SLC25A4: variants seen among roughly 807,000 people sequenced by gnomAD.
SLC25A4 encodes the protein ADP/ATP translocase 1.
In SLC25A4, 10 loss-of-function variants were observed where a neutral mutation model predicts 24.7. That is an observed-to-expected ratio of 0.41 (90% CI 0.25 to 0.69). The LOEUF is 0.69. SLC25A4 is among the 30% of genes least tolerant of loss of function. The pLI is 0.35. For missense variants in SLC25A4, 273 were observed against 387.6 expected, an observed-to-expected ratio of 0.70 and a Z score of 2.48; for synonymous variants, 125 against 153.3, an observed-to-expected ratio of 0.82 and a Z score of 1.36.
chr4:185,143,866 C>A (rs1222512009), intron 1 of SLC25A4, among the ~76,000 whole-genome samples: 1 of 152,204 alleles, frequency 6.6e-6, no homozygotes, highest in Non-Finnish European at 1.5e-5. Context: ...ACAATAAAAA[C>A]ATCAAAATAA....
In SLC25A4 at chr4:185,149,966, G is replaced by C. The variant is rs553656237; in HGVS notation, c.*2995G>C. The stretch of plus-strand genomic sequence containing the variant: ...AAAACTTGTCTCAAGTATTTGTGTT[G>C]AAATCTCAATTAACTGGGCGACTGC... On this transcript the variant is annotated 3_prime_UTR_variant, in exon 4 of 4. Transcript: ENST00000281456. 6.6e-6 allele frequency: 1 copy of C among 152,352 alleles called. No individual in the cohort carries two copies. Among genetic ancestry groups the C allele is most frequent in the East Asian group, 1.9e-4 (1 of 5,190 alleles). The allele number at this position is 152,352 out of a possible 1,614,324, so 9.4% of individuals were successfully genotyped here. A position where few individuals can be genotyped will look rare whatever the true frequency, so the allele number is the denominator to read the frequency against.
rs916899214 is a variant in SLC25A4, at chr4:185,149,607, A to G, written c.*2636A>G. ...TCCCTCACTAACCTACCCGCACGCCATACCATCATTGTGCAAAGCTGCCTC... is the reference window on the plus strand; with the variant it reads ...TCCCTCACTAACCTACCCGCACGCCGTACCATCATTGTGCAAAGCTGCCTC... On this transcript the variant is annotated 3_prime_UTR_variant, in exon 4 of 4. Coordinates refer to ENST00000281456, the MANE Select transcript of SLC25A4 (RefSeq NM_001151.4). 1 of 152,202 alleles carries G rather than the reference A, an allele frequency of 6.6e-6. No individual in the cohort carries two copies. Among genetic ancestry groups the G allele is most frequent in the Non-Finnish European group, 1.5e-5 (1 of 68,046 alleles). The allele number at this position is 152,202 out of a possible 1,614,324, so 9.4% of individuals were successfully genotyped here.
Position 185,145,173 on chromosome 4 carries a change from AC to A in SLC25A4, c.523del (p.Gln175ArgfsTer38), listed in dbSNP as rs863224209. On this transcript the variant is annotated frameshift_variant, in exon 2 of 4. Coordinates refer to ENST00000281456, the MANE Select transcript of SLC25A4 (RefSeq NM_001151.4). LOFTEE classifies it high-confidence loss of function. The surrounding 1 kb of genome is among the most constrained non-coding windows in gnomAD (Gnocchi z 5.5). ...IFKSDGLRGL[Y>X]QGFNVSVQGI... ...AAGTCTGATGGCCTGAGGGGGCTCT[AC>A]CAGGGTTTCAACGTCTCTGTCCAAG... 8 of 1,613,822 alleles carry A rather than the reference AC, an allele frequency of 5.0e-6. No individual in the cohort carries two copies. Among genetic ancestry groups the A allele is most frequent in the Non-Finnish European group, 6.8e-6 (8 of 1,179,904 alleles).
rs1164676580 is a variant in SLC25A4, at chr4:185,145,835, G to A, written c.675G>A (p.Gly225=). Residue 225 remains glycine (G), a synonymous_variant, in exon 3 of 4, where the codon GGG becomes GGA. Coordinates refer to ENST00000281456, the MANE Select transcript of SLC25A4 (RefSeq NM_001151.4). The surrounding 1 kb of genome is among the most constrained non-coding windows in gnomAD (Gnocchi z 5.5). ...MIAQSVTAVA[G]LVSYPFDTVR... ...CCCAGAGTGTGACGGCAGTCGCAGG[G>A]CTGGTGTCCTACCCCTTTGACACTG... is the stretch of plus-strand genomic sequence containing the variant. 7 of 1,614,088 alleles carry A rather than the reference G, an allele frequency of 4.3e-6. No homozygotes were observed. Among genetic ancestry groups the A allele is most frequent in the Non-Finnish European group, 5.1e-6 (6 of 1,180,036 alleles).
rs1025582917 is a variant in SLC25A4, at chr4:185,145,445, C to G, written c.598+195C>G. On this transcript the variant is annotated intron_variant, in intron 2 of 3. Transcript: ENST00000281456. This position sits in a 1 kb window ranked among gnomAD's most constrained non-coding sequence, Gnocchi z 5.5. ...CTTGTGTCCTCTACTGAAATAAACT[C>G]TGGCCTTTAGTTATTCAGAGAGGAG... 1.2e-6 allele frequency: 1 copy of G among 840,846 alleles called. No individual in the cohort carries two copies. The allele number at this position is 840,846 out of a possible 1,614,324, so 52.1% of individuals were successfully genotyped here.
At chr4:185,144,579 C>T (rs1450645876) in intron 1 of SLC25A4, among the ~76,000 whole-genome samples, 185 bp from the exon 2 acceptor site, 2 of 152,092 alleles carry the variant, frequency 1.3e-5, no homozygotes, top group South Asian at 2.1e-4. Context: ...ATTATTTTGG[C>T]TTGTTATCCA....
Position 185,146,525 on chromosome 4 carries a change from C to A in SLC25A4, c.740-289C>A, listed in dbSNP as rs541595671. On this transcript the variant is annotated intron_variant, in intron 3 of 3. Coordinates refer to ENST00000281456, the MANE Select transcript of SLC25A4 (RefSeq NM_001151.4). ...AAGGTAACCGCGTAGCATAATACTC[C>A]TGCTCCACTGCGCCCTTCTTGTTTC... Among the ~76,000 whole-genome samples, 7 of 152,334 alleles carry A rather than the reference C, an allele frequency of 4.6e-5. No individual in the cohort carries two copies. In the East Asian group the frequency reaches 1.4e-3, roughly 29 times the overall value.
Position 185,146,890 on chromosome 4 carries a change from A to G in SLC25A4, c.816A>G (p.Lys272=). 1 of 1,614,212 alleles carries G rather than the reference A, an allele frequency of 6.2e-7. No homozygotes were observed. Reference sequence around the variant, plus strand: ...ACGAAGGAGCCAAGGCCTTCTTCAAAGGTGCCTGGTCCAATGTGCTGAGAG... The same window carrying G: ...ACGAAGGAGCCAAGGCCTTCTTCAAGGGTGCCTGGTCCAATGTGCTGAGAG... ...AKDEGAKAFF[K]GAWSNVLRGM... Residue 272 remains lysine (K), a synonymous_variant, in exon 4 of 4, where the codon AAA becomes AAG. Transcript: ENST00000281456.
intron 1 of SLC25A4, among the ~76,000 whole-genome samples, chr4:185,143,735 A>C (rs576014296): frequency 3.9e-4 from 59 of 151,624 alleles, no homozygotes; most frequent in Non-Finnish European, 7.1e-4. Flanking sequence ...ATGGAAACCC[A>C]CCCGGAGCCG....
chr4:185,144,820 T>C lies in SLC25A4; in HGVS notation c.168T>C (p.Asp56=), dbSNP rs150481751. The part of the protein sequence containing the change: ...SAEKQYKGII[D]CVVRIPKEQG... ...AGAAGCAGTACAAAGGGATCATTGA[T>C]TGTGTGGTGAGAATCCCTAAGGAGC... The change falls in exon 2 of 4, where the codon GAT becomes GAC. Residue 56 remains aspartate (D), a synonymous_variant. Transcript: ENST00000281456. The C allele has an allele frequency of 1.8e-4, 294 of 1,613,988 alleles. No individual in the cohort carries two copies. The highest frequency in any genetic ancestry group is 2.3e-4 in the Non-Finnish European group (272 of 1,180,020).
Position 185,145,666 on chromosome 4 carries a change from G to A in SLC25A4, c.599-93G>A. On this transcript the variant is annotated intron_variant, in intron 2 of 3. Transcript: ENST00000281456. This position sits in a 1 kb window ranked among gnomAD's most constrained non-coding sequence, Gnocchi z 5.5. The stretch of plus-strand genomic sequence containing the variant: ...CAGGTTCCCCGCAAGGTCAGAGCAT[G>A]GAGCTGGAGGTGCAGTGGCCTCTCT... The A allele has an allele frequency of 6.7e-7, 1 of 1,499,492 alleles. No homozygotes were observed. Among genetic ancestry groups the A allele is most frequent in the Non-Finnish European group, 9.2e-7 (1 of 1,086,348 alleles). The allele number at this position is 1,499,492 out of a possible 1,614,324, so 92.9% of individuals were successfully genotyped here.
chr4:185,145,808 T>G lies in SLC25A4; in HGVS notation c.648T>G (p.Ile216Met). ...KNVHIFVSWM[I>M]AQSVTAVAGL... ...TGCACATTTTTGTGAGCTGGATGAT[T>G]GCCCAGAGTGTGACGGCAGTCGCAG... Residue 216 changes from isoleucine to methionine, a missense_variant, in exon 3 of 4, where the codon ATT becomes ATG. Ile to Met is a conservative substitution (Grantham distance 10, BLOSUM62 1). Transcript: ENST00000281456. The surrounding 1 kb of genome is among the most constrained non-coding windows in gnomAD (Gnocchi z 5.5). The G allele has an allele frequency of 6.2e-7, 1 of 1,614,224 alleles. No individual in the cohort carries two copies. The highest frequency in any genetic ancestry group is 8.5e-7 in the Non-Finnish European group (1 of 1,180,042).
At position 185,145,287 on chromosome 4, in the gene SLC25A4, G is replaced by A; in HGVS notation, c.598+37G>A. 6.2e-7 allele frequency: 1 copy of A among 1,613,022 alleles called. No individual in the cohort carries two copies. The highest frequency in any genetic ancestry group is 2.2e-5 in the East Asian group (1 of 44,882). On this transcript the variant is annotated intron_variant, in intron 2 of 3. Transcript: ENST00000281456. This position sits in a 1 kb window ranked among gnomAD's most constrained non-coding sequence, Gnocchi z 5.5. ...GCATCGGGGAGAAGGAGGGTGGTGT[G>A]GAAAGAGGATCCTATGGGATCTATA...
chr4:185,144,113 C>T (rs1734394798), intron 1 of SLC25A4, among the ~76,000 whole-genome samples: 1 of 152,206 alleles, frequency 6.6e-6, no homozygotes, highest in Non-Finnish European at 1.5e-5. Flanking sequence ...TTTTCCTCCA[C>T]CTGCCCAAAA....
Position 185,143,386 on chromosome 4 carries a change from C to A in SLC25A4, c.14C>A (p.Ala5Asp). The change falls in exon 1 of 4, where the codon GCT becomes GAT. Residue 5 changes from alanine to aspartate, a missense_variant. Transcript: ENST00000281456. ...CGAGCTGTCACCATGGGTGATCACG[C>A]TTGGAGCTTCCTAAAGGACTTCCTG... MGDH[A>D]WSFLKDFLAG... 6.5e-7 allele frequency: 1 copy of A among 1,529,280 alleles called. No homozygotes were observed. Among genetic ancestry groups the A allele is most frequent in the Non-Finnish European group, 8.8e-7 (1 of 1,134,810 alleles). 94.7% of individuals were successfully genotyped at this position (1,529,280 alleles called of 1,614,324 possible). A position where few individuals can be genotyped will look rare whatever the true frequency, so the allele number is the denominator to read the frequency against.
In SLC25A4 at chr4:185,144,966, G is replaced by A; in HGVS notation, c.314G>A (p.Arg105Gln). The A allele has an allele frequency of 6.2e-7, 1 of 1,611,148 alleles. No individual in the cohort carries two copies. The highest frequency in any genetic ancestry group is 1.7e-5 in the Admixed American group (1 of 59,780). ...CAGCTCTTCTTAGGGGGTGTGGATCGGCATAAGCAGTTCTGGCGCTACTTT... is the reference window on the plus strand; with the variant it reads ...CAGCTCTTCTTAGGGGGTGTGGATCAGCATAAGCAGTTCTGGCGCTACTTT... Reference protein sequence around the residue: ...YKQLFLGGVDRHKQFWRYFAG... With the variant: ...YKQLFLGGVDQHKQFWRYFAG... Residue 105 changes from arginine (R) to glutamine (Q), a missense_variant, in exon 2 of 4, where the codon CGG becomes CAG. Arg to Gln is a conservative substitution (Grantham distance 43). Transcript: ENST00000281456.
chr4:185,145,295 G>A lies in SLC25A4; in HGVS notation c.598+45G>A, dbSNP rs1301342196. The A allele has an allele frequency of 4.3e-6, 7 of 1,611,886 alleles. No individual in the cohort carries two copies. In the African/African-American group the frequency reaches 6.7e-5, roughly 15 times the overall value. On this transcript the variant is annotated intron_variant, in intron 2 of 3. Coordinates refer to ENST00000281456, the MANE Select transcript of SLC25A4 (RefSeq NM_001151.4). This position sits in a 1 kb window ranked among gnomAD's most constrained non-coding sequence, Gnocchi z 5.5. ...GAGAAGGAGGGTGGTGTGGAAAGAG[G>A]ATCCTATGGGATCTATAACTCACAA...
rs1482770895 is a variant in SLC25A4, at chr4:185,150,010, T to G, written c.*3039T>G. The G allele has an allele frequency of 6.6e-6, 1 of 152,278 alleles. No homozygotes were observed. Among genetic ancestry groups the G allele is most frequent in the East Asian group, 1.9e-4 (1 of 5,202 alleles). 9.4% of individuals were successfully genotyped at this position (152,278 alleles called of 1,614,324 possible). On this transcript the variant is annotated 3_prime_UTR_variant, in exon 4 of 4. Transcript: ENST00000281456. ...CGACTGCTCCCGTTCCATTTTATTC[T>G]GTAAAATATGTGGCATCCTTTGTGT... is the stretch of plus-strand genomic sequence containing the variant.
In SLC25A4 at chr4:185,148,622, T is replaced by A. The variant is rs1407739914; in HGVS notation, c.*1651T>A. 6.6e-6 allele frequency: 1 copy of A among 152,106 alleles called. No homozygotes were observed. Among genetic ancestry groups the A allele is most frequent in the Non-Finnish European group, 1.5e-5 (1 of 68,030 alleles). The allele number at this position is 152,106 out of a possible 1,614,324, so 9.4% of individuals were successfully genotyped here. On this transcript the variant is annotated 3_prime_UTR_variant, in exon 4 of 4. Coordinates refer to ENST00000281456, the MANE Select transcript of SLC25A4 (RefSeq NM_001151.4). ...TATAGAAAGCATCCTCCAGTACTTC[T>A]GTAACAATTTATCAAGACCTACAGG... is the stretch of plus-strand genomic sequence containing the variant.
Sources: gnomAD v4.1 joint callset for allele counts (sites outside exome capture counted in the v4.1 genomes callset) on GRCh38, gnomAD v4.1.1 for gene constraint, Gnocchi (gnomAD v3.1) non-coding constraint, MANE v1.5 for transcripts, NCBI Gene and HGNC (gene_info 2026-07-23, HGNC 2026-07-21) for gene names.